The following HUNK variants were observed in gnomAD, a reference collection of about 807,000 sequenced individuals.
HUNK encodes the protein hormonally up-regulated Neu-associated kinase.
Under a neutral mutation model 61.0 loss-of-function variants are expected in HUNK, and 21 were observed. The observed-to-expected ratio is 0.34, with a 90% CI of 0.24 to 0.50. HUNK has a LOEUF of 0.50. HUNK is among the 20% of genes least tolerant of loss of function. HUNK has a pLI of 0.98. For missense variants in HUNK, 772 were observed against 945.7 expected (o/e 0.82, Z 2.41); for synonymous variants, 371 against 386.1 (o/e 0.96, Z 0.46).
chr21:31,996,693 ACTT>A (rs2053208424), intron 10 of HUNK, among the ~76,000 whole-genome samples: 1 of 152,176 alleles, frequency 6.6e-6, no homozygotes, highest in South Asian at 2.1e-4. Flanking sequence ...GGGATGAGAC[ACTT>A]CTTGGAGTTC....
intron 1 of HUNK, among the ~76,000 whole-genome samples, chr21:31,910,397 C>T (rs2123805495): frequency 6.6e-6 from 1 of 152,244 alleles, no homozygotes; most frequent in South Asian, 2.1e-4. Flanking sequence ...GCATCACCCT[C>T]ATGTCCTCAT....
chr21:31,996,426 G>A (rs1175731898), intron 10 of HUNK, among the ~76,000 whole-genome samples: 1 of 152,126 alleles, frequency 6.6e-6, no homozygotes, highest in African/African-American at 2.4e-5. Context: ...TATTTGTAAG[G>A]CCTCCCACCT....
chr21:31,908,096 C>T (rs1601370946), intron 1 of HUNK, among the ~76,000 whole-genome samples: 1 of 152,060 alleles, frequency 6.6e-6, no homozygotes, highest in East Asian at 1.9e-4. Flanking sequence ...ATGTGTCTCA[C>T]TATGACTATT....
chr21:31,882,453 CT>C (rs1178541661), intron 1 of HUNK, among the ~76,000 whole-genome samples: 1 of 152,190 alleles, frequency 6.6e-6, no homozygotes, highest in Non-Finnish European at 1.5e-5. Flanking sequence ...CCTTCTAGTC[CT>C]TGTGTATCCC....
chr21:31,907,599 A>G (rs1158718452), intron 1 of HUNK, among the ~76,000 whole-genome samples: 1 of 152,192 alleles, frequency 6.6e-6, no homozygotes, highest in African/African-American at 2.4e-5. Context: ...TGTGAGAAGC[A>G]GGGAGCCAGC....
chr21:31,879,429 T>G (rs2052289665), intron 1 of HUNK, among the ~76,000 whole-genome samples: 1 of 152,226 alleles, frequency 6.6e-6, no homozygotes, highest in Non-Finnish European at 1.5e-5. Flanking sequence ...CTGCCTCATC[T>G]TTTTGAAGTA....
At chr21:31,968,413 T>G (rs1363752815) in intron 6 of HUNK, 28 bp downstream of exon 6, 4 of 1,613,684 alleles carry the variant, frequency 2.5e-6, no homozygotes, top group Non-Finnish European at 3.4e-6. Context: ...GAGGAACTCC[T>G]CGGGAGAGAC....
At chr21:31,929,113 G>A (rs1337168603) in intron 2 of HUNK, among the ~76,000 whole-genome samples, 1 of 151,962 alleles carries the variant, frequency 6.6e-6, no homozygotes. Context: ...CTGATATTAT[G>A]TTATTATGTC....
Position 31,879,542 on chromosome 21 carries a change from GA to G in HUNK, c.261+5610del, listed in dbSNP as rs771477030. 9.8e-5 allele frequency among the ~76,000 whole-genome samples: 15 copies of G among 152,344 alleles called. No individual in the cohort carries two copies. In the East Asian group the frequency reaches 1.3e-3, roughly 14 times the overall value. ...TGCTTTGAGTCAGCGCAACAGTGCA[GA>G]AACGGTGCCCACGGAGAGGAGTACA... On this transcript the variant is annotated intron_variant, in intron 1 of 10. Coordinates refer to ENST00000270112, the MANE Select transcript of HUNK (RefSeq NM_014586.2).
chr21:31,927,514 G>A (rs1188999507), intron 2 of HUNK, among the ~76,000 whole-genome samples: 1 of 152,056 alleles, frequency 6.6e-6, no homozygotes, highest in African/African-American at 2.4e-5. Flanking sequence ...CATGGTGGCA[G>A]GTGCCTGTAG....
At chr21:31,899,696 C>T (rs1358610811) in intron 1 of HUNK, among the ~76,000 whole-genome samples, 2 of 152,178 alleles carry the variant, frequency 1.3e-5, no homozygotes, top group African/African-American at 2.4e-5. Flanking sequence ...CCCTGCTACT[C>T]CTGCTCAGCA....
intron 5 of HUNK, among the ~76,000 whole-genome samples, chr21:31,964,106 C>T (rs2052947466): frequency 1.3e-5 from 2 of 152,124 alleles, no homozygotes; most frequent in Non-Finnish European, 1.5e-5. Flanking sequence ...CATCACTACA[C>T]CTCAACACTA....
chr21:31,970,992 G>A (rs1399726494), intron 6 of HUNK, among the ~76,000 whole-genome samples: 2 of 152,100 alleles, frequency 1.3e-5, no homozygotes, highest in African/African-American at 4.8e-5. Flanking sequence ...GTGTGTATAA[G>A]GCCCATTGCT....
chr21:31,962,202 G>A (rs575812527), intron 5 of HUNK, among the ~76,000 whole-genome samples: 2 of 152,316 alleles, frequency 1.3e-5, no homozygotes, highest in Admixed American at 6.5e-5. Context: ...AAAGAGAATG[G>A]GGCAGTGCAA....
intron 1 of HUNK, among the ~76,000 whole-genome samples, chr21:31,915,678 A>G (rs2052577151): frequency 6.6e-6 from 1 of 152,198 alleles, no homozygotes; most frequent in Non-Finnish European, 1.5e-5. Context: ...AAAGGCAGTG[A>G]AGGGTGATAC....
At chr21:31,926,512 C>G (rs2052661110) in intron 2 of HUNK, among the ~76,000 whole-genome samples, 1 of 152,118 alleles carries the variant, frequency 6.6e-6, no homozygotes, top group Non-Finnish European at 1.5e-5. Flanking sequence ...TTTCCCTCTT[C>G]CCCCAGCCCT....
At chr21:31,993,732 A>G (rs1404243352) in intron 9 of HUNK, among the ~76,000 whole-genome samples, 1 of 152,108 alleles carries the variant, frequency 6.6e-6, no homozygotes, top group East Asian at 1.9e-4. Flanking sequence ...TGTGTCATGC[A>G]CACAAAGGGA....
At chr21:31,993,075 G>C (rs921343950) in intron 9 of HUNK, among the ~76,000 whole-genome samples, 2 of 152,120 alleles carry the variant, frequency 1.3e-5, no homozygotes, top group African/African-American at 4.8e-5. Context: ...GTCTTGGCAG[G>C]GTTTCCTGGA....
chr21:31,971,257 A>C (rs140529398), intron 6 of HUNK, among the ~76,000 whole-genome samples: 3,420 of 151,890 alleles, frequency 0.023, 46 homozygotes, highest in Non-Finnish European at 0.032. Flanking sequence ...TTTTTAGTAG[A>C]GATGAGGTTT....
Sources: allele counts gnomAD v4.1 joint callset (sites outside exome capture counted in the v4.1 genomes callset), GRCh38; gene constraint gnomAD v4.1.1; transcripts MANE v1.5; gene names NCBI Gene and HGNC (gene_info 2026-07-23, HGNC 2026-07-21).